The following SOX5 variants were observed in gnomAD, a reference collection of about 807,000 sequenced individuals.
The protein encoded by SOX5 is SRY-box transcription factor 5.
Under a neutral mutation model 92.0 loss-of-function variants are expected in SOX5, and 9 were observed. That is an observed-to-expected ratio of 0.10 (90% confidence interval 0.06 to 0.17). The LOEUF (loss-of-function observed/expected upper bound fraction) is 0.17. Among genes scored for constraint, SOX5 ranks in the 10% least tolerant of loss-of-function variants. The pLI is 1.00. For missense variants in SOX5, 642 were observed against 944.5 expected (o/e 0.68, Z 4.20); for synonymous variants, 344 against 336.3 (o/e 1.02, Z -0.25).
At chr12:23,539,632 G>A (rs765413174) in intron 13 of SOX5, among the ~76,000 whole-genome samples, 7 of 150,498 alleles carry the variant, frequency 4.7e-5, no homozygotes, top group Non-Finnish European at 1.0e-4. Flanking sequence ...AGGAAAAAAA[G>A]ATGCGTGTAT....
intron 3 of SOX5, among the ~76,000 whole-genome samples, chr12:23,787,942 AGGAT>A (rs2141902491): frequency 8.5e-6 from 1 of 118,158 alleles, no homozygotes; most frequent in South Asian, 3.0e-4. Context: ...CAGAAGTAAC[AGGAT>A]CTGAGCAAAG....
chr12:24,470,421 C>T lies in SOX5; in HGVS notation c.-251+91908G>A, dbSNP rs73289649. Among the ~76,000 whole-genome samples, 592 of 152,156 alleles carry T rather than the reference C, an allele frequency of 3.9e-3. 2 individuals carry two copies. The highest frequency in any genetic ancestry group is 0.013 in the African/African-American group (548 of 41,528). Reference sequence around the variant, plus strand: ...CTAAATACCAAGAAAGAATGTTCAACGGTGAGGACAGATTAAGGCAGGAAC... The same window carrying T: ...CTAAATACCAAGAAAGAATGTTCAATGGTGAGGACAGATTAAGGCAGGAAC... On this transcript the variant is annotated intron_variant, in intron 1 of 4. Coordinates refer to the SOX5 transcript ENST00000446891.
At chr12:23,907,639 A>C (rs1035211197) in intron 1 of SOX5, among the ~76,000 whole-genome samples, 9 of 152,034 alleles carry the variant, frequency 5.9e-5, no homozygotes, top group African/African-American at 2.2e-4. Flanking sequence ...TATATATGGG[A>C]ATGTTTGTAA....
In SOX5 at chr12:23,856,983, G is replaced by A. The variant is rs2096699701; in HGVS notation, c.271-10790C>T. On this transcript the variant is annotated intron_variant, in intron 2 of 14. Transcript: ENST00000451604. ...TATTAATGTTCCATAAATTCATATT[G>A]AGTTAATTATTAATTTATTAAATCT... Among the ~76,000 whole-genome samples, 4 of 151,954 alleles carry A rather than the reference G, an allele frequency of 2.6e-5. No individual in the cohort carries two copies. In the South Asian group the frequency reaches 8.3e-4, roughly 32 times the overall value.
intron 4 of SOX5, among the ~76,000 whole-genome samples, chr12:23,966,686 T>C (rs752707597): frequency 5.9e-5 from 9 of 152,328 alleles, no homozygotes; most frequent in Non-Finnish European, 1.0e-4. Context: ...AGTTCTGACC[T>C]ATAACCTCTC....
At chr12:24,557,640 A>T (rs1412176021) in intron 1 of SOX5, among the ~76,000 whole-genome samples, 3 of 152,184 alleles carry the variant, frequency 2.0e-5, no homozygotes, top group African/African-American at 7.2e-5. Flanking sequence ...ATCAAACTAA[A>T]GTCCGCTCAT....
chr12:24,426,493 TCAGA>T (rs1448081026), intron 1 of SOX5, among the ~76,000 whole-genome samples: 1 of 152,216 alleles, frequency 6.6e-6, no homozygotes, highest in Non-Finnish European at 1.5e-5. Context: ...ACACTAAGTA[TCAGA>T]CAATGTACTG....
At chr12:23,977,453 T>A (rs1320521477) in intron 4 of SOX5, among the ~76,000 whole-genome samples, 1 of 152,140 alleles carries the variant, frequency 6.6e-6, no homozygotes, top group Non-Finnish European at 1.5e-5. Context: ...GCAAATCTCT[T>A]GAGGCCAGGA....
chr12:24,231,385 C>T (rs544009403), intron 3 of SOX5, among the ~76,000 whole-genome samples: 2 of 152,244 alleles, frequency 1.3e-5, no homozygotes, highest in Admixed American at 6.5e-5. Context: ...CTAATATGAA[C>T]GGTTTAGATT....
At chr12:23,969,325 AT>A (rs35951518) in intron 4 of SOX5, among the ~76,000 whole-genome samples, 4 of 151,540 alleles carry the variant, frequency 2.6e-5, no homozygotes, top group Non-Finnish European at 5.9e-5. Context: ...TCTTCAATCC[AT>A]TTTTTTTCCC....
At chr12:24,211,697 A>G (rs1307549280) in intron 4 of SOX5, among the ~76,000 whole-genome samples, 1 of 152,200 alleles carries the variant, frequency 6.6e-6, no homozygotes, top group East Asian at 1.9e-4. Flanking sequence ...CATGCCAAGA[A>G]ACATAGATTT....
chr12:24,531,680 A>G (rs946008628), intron 1 of SOX5, among the ~76,000 whole-genome samples: 9 of 152,336 alleles, frequency 5.9e-5, no homozygotes, highest in African/African-American at 1.9e-4. Flanking sequence ...GTGACCCAAG[A>G]AAACAGGTGT....
At chr12:23,882,397 A>T (rs946903879) in intron 2 of SOX5, among the ~76,000 whole-genome samples, 7 of 152,106 alleles carry the variant, frequency 4.6e-5, no homozygotes, top group African/African-American at 1.7e-4. Context: ...ACGGTAATAA[A>T]CACAAACCCC....
intron 3 of SOX5, among the ~76,000 whole-genome samples, chr12:23,841,817 A>G (rs191486918): frequency 6.6e-6 from 1 of 152,204 alleles, no homozygotes; most frequent in East Asian, 1.9e-4. Context: ...GTGAAACAGG[A>G]TAGTTTGGAG....
chr12:23,767,462 A>G (rs898033533), intron 3 of SOX5, among the ~76,000 whole-genome samples: 5 of 152,170 alleles, frequency 3.3e-5, no homozygotes, highest in African/African-American at 1.2e-4. Context: ...CAAAGGAGAT[A>G]AAGTCCTCTT....
intron 9 of SOX5, among the ~76,000 whole-genome samples, chr12:23,596,314 C>A (rs1952435997): frequency 6.6e-6 from 1 of 152,066 alleles, no homozygotes; most frequent in African/African-American, 2.4e-5. Context: ...TAGATAAAAT[C>A]TATTGAATAA....
At chr12:24,369,514 G>A (rs77180749) in intron 1 of SOX5, among the ~76,000 whole-genome samples, 11,184 of 152,214 alleles carry the variant, frequency 0.073, 461 homozygotes, top group Middle Eastern at 0.11. Context: ...GTCACACATC[G>A]ATGCCTGGAA....
intron 1 of SOX5, among the ~76,000 whole-genome samples, chr12:24,501,219 A>G (rs2138131405): frequency 6.6e-6 from 1 of 152,258 alleles, no homozygotes; most frequent in Non-Finnish European, 1.5e-5. Flanking sequence ...ATTCATACAC[A>G]GCACCTCATT....
chr12:23,639,985 G>C (rs571584534), intron 8 of SOX5, among the ~76,000 whole-genome samples: 4 of 152,134 alleles, frequency 2.6e-5, no homozygotes, highest in Non-Finnish European at 5.9e-5. Context: ...AGTATTCATA[G>C]GCATACTGTG....
Sources: allele counts gnomAD v4.1 joint callset (sites outside exome capture counted in the v4.1 genomes callset), GRCh38; gene constraint gnomAD v4.1.1; transcripts MANE v1.5; gene names NCBI Gene and HGNC (gene_info 2026-07-23, HGNC 2026-07-21).